The following HCN1 variants were observed in gnomAD, a reference collection of about 807,000 sequenced individuals.
The protein encoded by HCN1 is potassium/sodium hyperpolarization-activated cyclic nucleotide-gated channel 1.
HCN1 carries 13 observed loss-of-function variants against 78.9 expected under a neutral mutation model. The ratio of observed to expected loss-of-function variants is 0.16; its 90% confidence interval spans 0.11 to 0.26. HCN1 has a LOEUF of 0.26. Ranked by LOEUF, HCN1 falls within the 10% of genes least tolerant of loss-of-function variation. The probability of loss-of-function intolerance (pLI) is 1.00; values close to 1 mark genes in which losing one functional copy is unlikely to be tolerated. For missense variants in HCN1, 810 were observed against 1,154.3 expected, an observed-to-expected ratio of 0.70 and a Z score of 4.32; for synonymous variants, 552 against 455.5, an observed-to-expected ratio of 1.21 and a Z score of -2.70.
chr5:45,375,348 A>T (rs929677527), intron 4 of HCN1, among the ~76,000 whole-genome samples: 3 of 124,954 alleles, frequency 2.4e-5, no homozygotes, highest in Non-Finnish European at 3.1e-5. Context: ...AATATATATA[A>T]TATAATATTT....
intron 2 of HCN1, among the ~76,000 whole-genome samples, chr5:45,463,422 A>T (rs1438555697): frequency 1.3e-5 from 2 of 152,002 alleles, no homozygotes; most frequent in African/African-American, 4.8e-5. Flanking sequence ...GAATATACAC[A>T]CTGTTCTGAA....
At chr5:45,644,341 T>G (rs1410150124) in intron 2 of HCN1, 1 of 152,094 alleles carries the variant, frequency 6.6e-6, no homozygotes, top group Non-Finnish European at 1.5e-5. Flanking sequence ...CAAAAAGACT[T>G]AGGAAGAAAA....
At chr5:45,446,561 G>A (rs1470019076) in intron 3 of HCN1, among the ~76,000 whole-genome samples, 1 of 152,092 alleles carries the variant, frequency 6.6e-6, no homozygotes, top group Non-Finnish European at 1.5e-5. Flanking sequence ...TCCTCGAGAA[G>A]AGCAACTCTA....
intron 2 of HCN1, among the ~76,000 whole-genome samples, chr5:45,489,569 A>C (rs970551517): frequency 1.3e-5 from 2 of 152,124 alleles, no homozygotes; most frequent in African/African-American, 4.8e-5. Flanking sequence ...CTCTGTTTCC[A>C]CCATGATTAA....
At chr5:45,472,924 A>G (rs1309610774) in intron 2 of HCN1, among the ~76,000 whole-genome samples, 7 of 151,834 alleles carry the variant, frequency 4.6e-5, no homozygotes, top group African/African-American at 1.4e-4. Context: ...TCTTAATTAC[A>G]AAAATTTCAT....
At chr5:45,429,030 T>C (rs1740410457) in intron 3 of HCN1, among the ~76,000 whole-genome samples, 1 of 152,182 alleles carries the variant, frequency 6.6e-6, no homozygotes, top group Non-Finnish European at 1.5e-5. Context: ...AATAAAGTAT[T>C]CTAAGGGCTT....
chr5:45,565,646 G>A (rs1013650930), intron 2 of HCN1, among the ~76,000 whole-genome samples: 4 of 151,854 alleles, frequency 2.6e-5, no homozygotes, highest in Admixed American at 1.3e-4. Context: ...AACATAGAGA[G>A]ACCTCACCTC....
intron 6 of HCN1, among the ~76,000 whole-genome samples, chr5:45,271,740 A>T (rs1239869810): frequency 2.6e-5 from 4 of 152,162 alleles, no homozygotes; most frequent in African/African-American, 9.7e-5. Flanking sequence ...GCTTAATGAA[A>T]TAAATTATTT....
At chr5:45,358,817 C>A (rs1747057455) in intron 4 of HCN1, among the ~76,000 whole-genome samples, 1 of 152,038 alleles carries the variant, frequency 6.6e-6, no homozygotes, top group Non-Finnish European at 1.5e-5. Flanking sequence ...TCCTGACGCC[C>A]CGCTTGTCCA....
chr5:45,388,797 G>A (rs1747979596), intron 4 of HCN1, among the ~76,000 whole-genome samples: 1 of 152,056 alleles, frequency 6.6e-6, no homozygotes, highest in South Asian at 2.1e-4. Flanking sequence ...TTGAATTGTT[G>A]AGTCTCTGTC....
At chr5:45,421,707 T>G (rs1012361747) in intron 3 of HCN1, among the ~76,000 whole-genome samples, 3 of 152,210 alleles carry the variant, frequency 2.0e-5, no homozygotes, top group Non-Finnish European at 4.4e-5. Context: ...CAGTTTGGGT[T>G]ACTCGAATAA....
At chr5:45,603,033 G>T (rs1459192920) in intron 2 of HCN1, among the ~76,000 whole-genome samples, 1 of 152,040 alleles carries the variant, frequency 6.6e-6, no homozygotes, top group Non-Finnish European at 1.5e-5. Context: ...TAAAAACATG[G>T]TTGAATATCT....
At chr5:45,440,767 T>C (rs1740661931) in intron 3 of HCN1, among the ~76,000 whole-genome samples, 1 of 152,194 alleles carries the variant, frequency 6.6e-6, no homozygotes, top group Non-Finnish European at 1.5e-5. Flanking sequence ...GTAGCTATTC[T>C]GTAAAATAGC....
intron 2 of HCN1, among the ~76,000 whole-genome samples, chr5:45,521,597 G>T (rs1207008701): frequency 1.3e-5 from 2 of 151,850 alleles, no homozygotes; most frequent in Non-Finnish European, 2.9e-5. Flanking sequence ...TACCAGTCAT[G>T]CTGGATTAGA....
At chr5:45,472,887 A>G (rs1741420920) in intron 2 of HCN1, among the ~76,000 whole-genome samples, 1 of 151,872 alleles carries the variant, frequency 6.6e-6, no homozygotes, top group South Asian at 2.1e-4. Flanking sequence ...AGTCTTTGTC[A>G]TCATTGTGGT....
chr5:45,492,264 A>C (rs1047483136), intron 2 of HCN1, among the ~76,000 whole-genome samples: 1 of 150,302 alleles, frequency 6.7e-6, no homozygotes. Context: ...ACCCTCCCAA[A>C]ACCCACTCTC....
intron 5 of HCN1, among the ~76,000 whole-genome samples, chr5:45,312,479 G>A (rs940066398): frequency 2.0e-5 from 3 of 152,274 alleles, no homozygotes; most frequent in East Asian, 3.9e-4. Context: ...TCCAACTGAG[G>A]TACCGGGTTC....
chr5:45,502,032 T>C lies in HCN1; in HGVS notation c.850-40025A>G, dbSNP rs150201767. Among the ~76,000 whole-genome samples, 240 of 152,290 alleles carry C rather than the reference T, an allele frequency of 1.6e-3. 1 individual carries two copies. Among genetic ancestry groups the C allele is most frequent in the African/African-American group, 5.4e-3 (224 of 41,572 alleles). On this transcript the variant is annotated intron_variant, in intron 2 of 7. Coordinates refer to ENST00000303230, the MANE Select transcript of HCN1 (RefSeq NM_021072.4). ...AATCTCAGGACAACTGTACAAAAGATACCATATCCTTTAGTGTTTACTAGT... is the reference window on the plus strand; with the variant it reads ...AATCTCAGGACAACTGTACAAAAGACACCATATCCTTTAGTGTTTACTAGT...
At chr5:45,673,851 T>C (rs1746206462) in intron 1 of HCN1, among the ~76,000 whole-genome samples, 1 of 151,640 alleles carries the variant, frequency 6.6e-6, no homozygotes, top group South Asian at 2.1e-4. Context: ...ACTTATTTCA[T>C]GAATCATGAT....
Sources: allele counts gnomAD v4.1 joint callset (sites outside exome capture counted in the v4.1 genomes callset), GRCh38; gene constraint gnomAD v4.1.1; transcripts MANE v1.5; gene names NCBI Gene and HGNC (gene_info 2026-07-23, HGNC 2026-07-21).